Variants in GPC6 observed in about 807,000 individuals in gnomAD.
The protein encoded by GPC6 is glypican 6.
GPC6 carries 14 observed loss-of-function variants against 55.2 expected under a neutral mutation model. The observed-to-expected ratio is 0.25, with a 90% CI of 0.17 to 0.40. The LOEUF is 0.40. GPC6 is among the 10% of genes least tolerant of loss of function. GPC6 has a pLI of 1.00. For missense variants in GPC6, 641 were observed against 708.5 expected (o/e 0.90, Z 1.08); for synonymous variants, 278 against 259.6 (o/e 1.07, Z -0.68).
At chr13:93,557,932 G>T (rs557811867) in intron 2 of GPC6, among the ~76,000 whole-genome samples, 1 of 151,690 alleles carries the variant, frequency 6.6e-6, no homozygotes, top group African/African-American at 2.4e-5. Context: ...GTAGATTCTA[G>T]ATGCCTTAAA....
rs182122476 is a variant in GPC6 at position 93,647,933 on chromosome 13, G to A, written c.319+102512G>A. ...CCCTGGTGTAGTCACCTCTAACCAG[G>A]GGTATGAAAGCAAATATCTTGCTGC... On this transcript the variant is annotated intron_variant, in intron 2 of 8. Transcript: ENST00000377047. 1.6e-4 allele frequency among the ~76,000 whole-genome samples: 24 copies of A among 152,186 alleles called. No homozygotes were observed. In the East Asian group the frequency reaches 4.3e-3, roughly 27 times the overall value.
At chr13:93,541,146 G>C in intron 1 of GPC6, among the ~76,000 whole-genome samples, 2 of 147,984 alleles carry the variant, frequency 1.4e-5, no homozygotes, top group African/African-American at 5.0e-5. Flanking sequence ...TTTAGCATTA[G>C]GTATATCTCC....
chr13:93,388,369 A>C (rs1388667972), intron 1 of GPC6, among the ~76,000 whole-genome samples: 1 of 152,184 alleles, frequency 6.6e-6, no homozygotes, highest in Admixed American at 6.5e-5. Context: ...ACCTTACCCA[A>C]GGAGGGCTCA....
At chr13:93,241,988 G>T (rs1446301933) in intron 1 of GPC6, among the ~76,000 whole-genome samples, 3 of 152,182 alleles carry the variant, frequency 2.0e-5, no homozygotes, top group Non-Finnish European at 2.9e-5. Context: ...TAGTAGCAAT[G>T]TAGCGGGTGT....
chr13:94,298,988 C>T (rs530719757), intron 5 of GPC6, among the ~76,000 whole-genome samples: 18 of 152,182 alleles, frequency 1.2e-4, no homozygotes, highest in Middle Eastern at 3.4e-3. Flanking sequence ...TAATTGCCTT[C>T]AATAAATGTT....
chr13:93,856,465 A>G (rs982912869), intron 3 of GPC6, among the ~76,000 whole-genome samples: 8 of 151,582 alleles, frequency 5.3e-5, no homozygotes, highest in Non-Finnish European at 1.0e-4. Context: ...CAAAAATATC[A>G]GAATAAGAGA....
intron 1 of GPC6, among the ~76,000 whole-genome samples, chr13:93,440,993 C>T (rs1252501646): frequency 6.6e-6 from 1 of 152,088 alleles, no homozygotes; most frequent in Non-Finnish European, 1.5e-5. Context: ...TGGTTTCTAG[C>T]TTCATCCATG....
chr13:93,550,164 T>A (rs1215268207), intron 2 of GPC6, among the ~76,000 whole-genome samples: 1 of 152,106 alleles, frequency 6.6e-6, no homozygotes, highest in Non-Finnish European at 1.5e-5. Context: ...TATTATTATT[T>A]TTTACCTCAC....
intron 6 of GPC6, among the ~76,000 whole-genome samples, chr13:94,338,897 G>T (rs1387224464): frequency 2.0e-5 from 3 of 152,104 alleles, no homozygotes; most frequent in African/African-American, 7.2e-5. Context: ...GAGCTGGTCA[G>T]CTTTCTATCT....
At chr13:94,071,720 C>G (rs1024535860) in intron 4 of GPC6, among the ~76,000 whole-genome samples, 1 of 152,166 alleles carries the variant, frequency 6.6e-6, no homozygotes, top group Non-Finnish European at 1.5e-5. Flanking sequence ...GCAATACTTA[C>G]AGAATTGTTT....
chr13:94,063,673 C>T (rs918778933), intron 4 of GPC6, among the ~76,000 whole-genome samples: 2 of 152,100 alleles, frequency 1.3e-5, no homozygotes, highest in Non-Finnish European at 1.5e-5. Context: ...CTTCCTAGCT[C>T]ATCTTTCATG....
chr13:93,247,243 A>G lies in GPC6; in HGVS notation c.160+19627A>G, dbSNP rs146734318. 3.0e-4 allele frequency among the ~76,000 whole-genome samples: 45 copies of G among 152,276 alleles called. No individual in the cohort carries two copies. The East Asian group carries it at 8.3e-3, about 28-fold the overall frequency. ...ACAAGCTATATTAAAAATCACCAAT[A>G]AACAAATTAAGATTATCTTTGACCT... On this transcript the variant is annotated intron_variant, in intron 1 of 8. Coordinates refer to ENST00000377047, the MANE Select transcript of GPC6 (RefSeq NM_005708.5).
At chr13:93,440,414 T>G (rs1024561836) in intron 1 of GPC6, among the ~76,000 whole-genome samples, 3 of 152,212 alleles carry the variant, frequency 2.0e-5, no homozygotes, top group African/African-American at 7.2e-5. Flanking sequence ...TTCTTTATTG[T>G]TATGGCTAAT....
In GPC6 at chr13:93,615,559, G is replaced by A. The variant is rs146405836; in HGVS notation, c.319+70138G>A. 3.9e-3 allele frequency among the ~76,000 whole-genome samples: 587 copies of A among 152,192 alleles called. 4 individuals carry two copies. The highest frequency in any genetic ancestry group is 0.013 in the African/African-American group (524 of 41,548). On this transcript the variant is annotated intron_variant, in intron 2 of 8. Transcript: ENST00000377047. ...CTATTTGGGCAGCAGCCACACAAACGCTTTCACATAGATCACGCATCAACA... is the reference window on the plus strand; with the variant it reads ...CTATTTGGGCAGCAGCCACACAAACACTTTCACATAGATCACGCATCAACA...
intron 5 of GPC6, among the ~76,000 whole-genome samples, chr13:94,303,041 C>T (rs985662688): frequency 2.0e-5 from 3 of 152,184 alleles, no homozygotes; most frequent in Admixed American, 6.5e-5. Flanking sequence ...CCGCGGGATC[C>T]GGAGGGGTGG....
intron 1 of GPC6, among the ~76,000 whole-genome samples, chr13:93,503,645 T>C (rs1339882597): frequency 6.6e-6 from 1 of 152,142 alleles, no homozygotes; most frequent in Admixed American, 6.5e-5. Context: ...CGGAATCTAC[T>C]ACTGGAAGCT....
intron 1 of GPC6, among the ~76,000 whole-genome samples, chr13:93,370,927 T>C (rs930053497): frequency 3.9e-5 from 6 of 152,152 alleles, no homozygotes; most frequent in Non-Finnish European, 8.8e-5. Flanking sequence ...TTCCATTGTA[T>C]TGTCATGCTT....
At chr13:93,639,323 C>T (rs925974194) in intron 2 of GPC6, among the ~76,000 whole-genome samples, 40 of 151,988 alleles carry the variant, frequency 2.6e-4, no homozygotes, top group African/African-American at 7.5e-4. Flanking sequence ...TTCAAAGCAC[C>T]GGTGTGGCTG....
At chr13:93,369,718 G>T (rs1056917437) in intron 1 of GPC6, among the ~76,000 whole-genome samples, 2 of 152,010 alleles carry the variant, frequency 1.3e-5, no homozygotes, top group South Asian at 2.1e-4. Flanking sequence ...CAGTTTAAAC[G>T]TTTTTTTGTC....
Sources: allele counts gnomAD v4.1 joint callset (sites outside exome capture counted in the v4.1 genomes callset), GRCh38; gene constraint gnomAD v4.1.1; transcripts MANE v1.5; gene names NCBI Gene and HGNC (gene_info 2026-07-23, HGNC 2026-07-21).